Variants in FILIP1L observed in about 807,000 individuals in gnomAD.
FILIP1L encodes filamin A interacting protein 1 like.
In FILIP1L, 55 loss-of-function variants were observed where a neutral mutation model predicts 96.6. The ratio of observed to expected loss-of-function variants is 0.57; its 90% CI spans 0.46 to 0.71. The LOEUF is 0.71. Among genes scored for constraint, FILIP1L ranks in the 30% least tolerant of loss-of-function variants. The pLI is 0.00. For synonymous variants in FILIP1L, 467 were observed against 473.9 expected (o/e 0.99, Z 0.19); for missense variants, 1,304 against 1,321.2 (o/e 0.99, Z 0.20).
intron 1 of FILIP1L, among the ~76,000 whole-genome samples, chr3:100,027,913 GT>G (rs1429707384): frequency 6.6e-6 from 1 of 152,166 alleles, no homozygotes; most frequent in Non-Finnish European, 1.5e-5. Flanking sequence ...CAGAAAAGAT[GT>G]TGGAGAGTAG....
intron 1 of FILIP1L, among the ~76,000 whole-genome samples, chr3:99,998,967 A>G (rs866764354): frequency 2.6e-5 from 4 of 152,192 alleles, no homozygotes; most frequent in South Asian, 2.1e-4. Context: ...ACCCAGAGAA[A>G]ACCTCCACCA....
At chr3:99,851,174 T>C (rs949911546) in intron 4 of FILIP1L, 104 bp from the exon 5 acceptor site, 1 of 948,784 alleles carries the variant, frequency 1.1e-6, no homozygotes, top group Non-Finnish European at 1.5e-6. Flanking sequence ...TTATATGAGC[T>C]GTGTCAGTTC....
chr3:99,879,116 C>A (rs1705634766), intron 4 of FILIP1L, among the ~76,000 whole-genome samples: 2 of 152,258 alleles, frequency 1.3e-5, no homozygotes, highest in Non-Finnish European at 2.9e-5. Context: ...CACCAAGGTC[C>A]TTTCTACAAT....
intron 1 of FILIP1L, among the ~76,000 whole-genome samples, chr3:100,077,994 G>A (rs982856696): frequency 5.3e-5 from 8 of 152,100 alleles, no homozygotes; most frequent in Middle Eastern, 3.4e-3. Flanking sequence ...TGGAATGTCA[G>A]TCGTTTAACA....
chr3:100,000,073 C>T (rs573741845), intron 1 of FILIP1L, among the ~76,000 whole-genome samples: 8 of 152,218 alleles, frequency 5.3e-5, no homozygotes, highest in South Asian at 2.1e-4. Context: ...TTTTTGAAAG[C>T]GCCCAAGTTG....
intron 1 of FILIP1L, among the ~76,000 whole-genome samples, chr3:99,955,681 C>T (rs908212417): frequency 2.0e-5 from 3 of 151,996 alleles, no homozygotes; most frequent in Admixed American, 2.0e-4. Context: ...AAATAACTTC[C>T]TGGAGCATTG....
intron 4 of FILIP1L, among the ~76,000 whole-genome samples, chr3:99,880,776 T>G (rs941935357): frequency 3.9e-5 from 6 of 152,196 alleles, no homozygotes; most frequent in Non-Finnish European, 7.4e-5. Context: ...TCCTACCACA[T>G]GAATACTGCC....
At chr3:100,059,229 T>G (rs922370334) in intron 1 of FILIP1L, among the ~76,000 whole-genome samples, 1 of 152,258 alleles carries the variant, frequency 6.6e-6, no homozygotes, top group African/African-American at 2.4e-5. Context: ...TCTGGGAAGC[T>G]ATCCTTTAAA....
At chr3:99,866,680 A>C (rs986279670) in intron 4 of FILIP1L, among the ~76,000 whole-genome samples, 1 of 152,148 alleles carries the variant, frequency 6.6e-6, no homozygotes, top group Non-Finnish European at 1.5e-5. Context: ...CTGAGTAAAC[A>C]ATTAAATCAT....
chr3:100,102,273 C>G (rs907113569), intron 1 of FILIP1L, among the ~76,000 whole-genome samples: 1 of 152,158 alleles, frequency 6.6e-6, no homozygotes, highest in South Asian at 2.1e-4. Context: ...CACATCCTCT[C>G]CAGCACCTGT....
At chr3:99,931,093 T>G in intron 1 of FILIP1L, 63 bp from the exon 2 acceptor site, 2 of 1,349,386 alleles carry the variant, frequency 1.5e-6, no homozygotes, top group Admixed American at 2.0e-5. Context: ...AGAGTACCTA[T>G]TACTGCTTTA....
chr3:100,071,359 A>G (rs548734781), intron 1 of FILIP1L, among the ~76,000 whole-genome samples: 14 of 152,274 alleles, frequency 9.2e-5, no homozygotes, highest in African/African-American at 3.4e-4. Flanking sequence ...ATGGGGAAGA[A>G]CTGCCTCAGT....
chr3:99,861,673 A>G (rs1944262715), intron 4 of FILIP1L, among the ~76,000 whole-genome samples: 1 of 152,162 alleles, frequency 6.6e-6, no homozygotes, highest in Non-Finnish European at 1.5e-5. Context: ...CCAGCAAGAG[A>G]TTGCAGTAAA....
At chr3:99,903,726 G>C (rs1287331395) in intron 4 of FILIP1L, among the ~76,000 whole-genome samples, 5 of 152,130 alleles carry the variant, frequency 3.3e-5, no homozygotes, top group Admixed American at 3.3e-4. Context: ...GCTACCATGA[G>C]AAACTGGGAC....
At chr3:99,949,748 T>G (rs1419979629) in intron 1 of FILIP1L, among the ~76,000 whole-genome samples, 1 of 152,236 alleles carries the variant, frequency 6.6e-6, no homozygotes, top group Non-Finnish European at 1.5e-5. Context: ...TTAGCCATTA[T>G]GTATCTAAAG....
At chr3:100,039,909 A>G (rs1218627336) in intron 1 of FILIP1L, 3 of 152,032 alleles carry the variant, frequency 2.0e-5, no homozygotes, top group Admixed American at 1.3e-4. Context: ...GCCCGCCACC[A>G]TGCCCGGCTA....
intron 1 of FILIP1L, among the ~76,000 whole-genome samples, chr3:100,093,312 G>A (rs574175700): frequency 1.2e-4 from 18 of 152,050 alleles, no homozygotes; most frequent in African/African-American, 4.3e-4. Flanking sequence ...GTTCATTTTA[G>A]AAAAAGTCAG....
chr3:99,932,551 G>T (rs1707517393), intron 1 of FILIP1L, among the ~76,000 whole-genome samples: 1 of 151,702 alleles, frequency 6.6e-6, no homozygotes, highest in Non-Finnish European at 1.5e-5. Flanking sequence ...CCTTGTGTTA[G>T]GTGATAAGAA....
chr3:100,014,887 C>CTTTTTTTTTTTTT (rs1559725867), intron 1 of FILIP1L, among the ~76,000 whole-genome samples: 15 of 32,464 alleles, frequency 4.6e-4, no homozygotes, highest in Non-Finnish European at 6.4e-4. Flanking sequence ...TTTTTTTTTT[C>CTTTTTTTTTTTTT]TTTCTTTCTT....
Sources: allele counts gnomAD v4.1 joint callset (sites outside exome capture counted in the v4.1 genomes callset), GRCh38; gene constraint gnomAD v4.1.1; transcripts MANE v1.5; gene names NCBI Gene and HGNC (gene_info 2026-07-23, HGNC 2026-07-21).